The following BMF variants were observed in gnomAD, a reference collection of about 807,000 sequenced individuals.
BMF encodes bcl-2-modifying factor.
In BMF, 10 loss-of-function variants were observed where a neutral mutation model predicts 22.0. The ratio of observed to expected loss-of-function variants is 0.45; its 90% CI spans 0.28 to 0.77. The LOEUF (loss-of-function observed/expected upper bound fraction) is 0.77, where lower values mean the gene tolerates loss of function less well. Among genes scored for constraint, BMF ranks in the 30% least tolerant of loss-of-function variants. The pLI is 0.13. For missense variants in BMF, 206 were observed against 226.8 expected (o/e 0.91, Z 0.59); for synonymous variants, 87 against 88.1 (o/e 0.99, Z 0.07).
At chr15:40,098,039 C>T (rs188626995) in intron 4 of BMF, among the ~76,000 whole-genome samples, 3 of 152,234 alleles carry the variant, frequency 2.0e-5, no homozygotes, top group South Asian at 2.1e-4. Flanking sequence ...GCCCGAGGAA[C>T]GAGCAACGTG....
chr15:40,099,346 T>G (rs2141024576), intron 4 of BMF, among the ~76,000 whole-genome samples: 2 of 152,280 alleles, frequency 1.3e-5, no homozygotes, highest in Admixed American at 1.3e-4. Flanking sequence ...CTCCCCAAAT[T>G]ACAAAGTCAG....
chr15:40,098,765 CA>C (rs915106619), intron 4 of BMF, among the ~76,000 whole-genome samples: 75 of 146,694 alleles, frequency 5.1e-4, no homozygotes, highest in Non-Finnish European at 8.5e-4. Context: ...ACCCACTTTC[CA>C]AAAAAAAAAG....
At chr15:40,102,875 G>A (rs1209208410) in intron 4 of BMF, among the ~76,000 whole-genome samples, 2 of 152,182 alleles carry the variant, frequency 1.3e-5, no homozygotes, top group South Asian at 2.1e-4. Flanking sequence ...ATAATCAAAG[G>A]AGAGAGTAAG....
At chr15:40,105,739 G>A (rs764518176) in intron 3 of BMF, 56 bp downstream of exon 3, 117 of 1,517,008 alleles carry the variant, frequency 7.7e-5, no homozygotes, top group Non-Finnish European at 1.0e-4. Flanking sequence ...GGGAGGGAAA[G>A]TCCCCTCTTT....
intron 4 of BMF, among the ~76,000 whole-genome samples, chr15:40,097,511 T>C (rs541472375): frequency 1.6e-4 from 24 of 152,338 alleles, no homozygotes; most frequent in African/African-American, 4.8e-4. Context: ...CGGAATGTGA[T>C]TGCTGGGCAG....
At chr15:40,099,301 T>A (rs2036427248) in intron 4 of BMF, among the ~76,000 whole-genome samples, 1 of 152,196 alleles carries the variant, frequency 6.6e-6, no homozygotes. Context: ...TAATAAACCA[T>A]GCAAACACCA....
chr15:40,092,673 T>C (rs1407802619), intron 4 of BMF, among the ~76,000 whole-genome samples: 1 of 152,208 alleles, frequency 6.6e-6, no homozygotes, highest in African/African-American at 2.4e-5. Flanking sequence ...CTGGAGGTTA[T>C]CCCAGGTCCT....
rs554684995 is a variant in BMF, at chr15:40,089,272, G to C, written c.*2515C>G. The C allele has an allele frequency of 2.5e-4, 38 of 152,416 alleles. 1 individual carries two copies. Among genetic ancestry groups the C allele is most frequent in the African/African-American group, 8.9e-4 (37 of 41,558 alleles). The allele number at this position is 152,416 out of a possible 1,614,324, so 9.4% of individuals were successfully genotyped here. On this transcript the variant is annotated 3_prime_UTR_variant, in exon 5 of 5. Transcript: ENST00000354670. ...GAGGAATGTTTAGGCCAACTCACCA[G>C]GCAGAGGAGGAAGGGGCCAGTTTAG...
intron 4 of BMF, among the ~76,000 whole-genome samples, chr15:40,095,864 C>A (rs1232425107): frequency 6.6e-6 from 1 of 152,182 alleles, no homozygotes; most frequent in Non-Finnish European, 1.5e-5. Context: ...ATTTTCTTGC[C>A]ACGGACAGGG....
intron 4 of BMF, among the ~76,000 whole-genome samples, chr15:40,094,155 T>C (rs192028409): frequency 6.8e-4 from 104 of 152,332 alleles, no homozygotes; most frequent in Non-Finnish European, 1.2e-3. Context: ...GATTTGGGGC[T>C]GAGGCAATTC....
chr15:40,094,462 C>T (rs980091888), intron 4 of BMF, among the ~76,000 whole-genome samples: 1 of 152,298 alleles, frequency 6.6e-6, no homozygotes, highest in Admixed American at 6.5e-5. Flanking sequence ...GTAAGGAAGG[C>T]TCTATGGTGC....
Position 40,088,464 on chromosome 15 carries a change from A to C in BMF, c.*3323T>G, listed in dbSNP as rs2036173110. ...AAGGCCTGCAGAGCCATGGTGACCA[A>C]AGTCTTCCCGCTTCTGCCACGTCCC... On this transcript the variant is annotated 3_prime_UTR_variant, in exon 5 of 5. Coordinates refer to ENST00000354670, the MANE Select transcript of BMF (RefSeq NM_001003940.2). 6.6e-6 allele frequency: 1 copy of C among 152,308 alleles called. No individual in the cohort carries two copies. Among genetic ancestry groups the C allele is most frequent in the Non-Finnish European group, 1.5e-5 (1 of 68,128 alleles). 9.4% of individuals were successfully genotyped at this position (152,308 alleles called of 1,614,324 possible).
In BMF at chr15:40,091,234, C is replaced by T. The variant is rs1039303981; in HGVS notation, c.*553G>A. On this transcript the variant is annotated 3_prime_UTR_variant, in exon 5 of 5. Coordinates refer to ENST00000354670, the MANE Select transcript of BMF (RefSeq NM_001003940.2). Reference sequence around the variant, plus strand: ...GCAGGTACTGGCTGAGAAGTAAGAACCCAGTCAGATGTGGAGCTGGCCGGC... The same window carrying T: ...GCAGGTACTGGCTGAGAAGTAAGAATCCAGTCAGATGTGGAGCTGGCCGGC... 18 of 152,838 alleles carry T rather than the reference C, an allele frequency of 1.2e-4. No individual in the cohort carries two copies. The highest frequency in any genetic ancestry group is 4.1e-4 in the African/African-American group (17 of 41,436). 9.5% of individuals were successfully genotyped at this position (152,838 alleles called of 1,614,324 possible).
chr15:40,106,196 C>T lies in BMF; in HGVS notation c.-5-105G>A, dbSNP rs2141059364. The T allele has an allele frequency of 7.7e-7, 1 of 1,293,622 alleles. No individual in the cohort carries two copies. The highest frequency in any genetic ancestry group is 1.0e-6 in the Non-Finnish European group (1 of 963,648). 80.1% of individuals were successfully genotyped at this position (1,293,622 alleles called of 1,614,324 possible). A position where few individuals can be genotyped will look rare whatever the true frequency, so the allele number is the denominator to read the frequency against. On this transcript the variant is annotated intron_variant, in intron 2 of 4. Coordinates refer to ENST00000354670, the MANE Select transcript of BMF (RefSeq NM_001003940.2). This position sits in a 1 kb window ranked among gnomAD's most constrained non-coding sequence, Gnocchi z 4.1. ...ACCATACTCCCCCTTCTTATTTGAG[C>T]TGGCCGGACCACATACTGATGACAT...
At chr15:40,098,858 G>T (rs2036417641) in intron 4 of BMF, among the ~76,000 whole-genome samples, 1 of 152,218 alleles carries the variant, frequency 6.6e-6, no homozygotes, top group Non-Finnish European at 1.5e-5. Context: ...GGAAGAGAGA[G>T]CAGTCAGGTG....
chr15:40,104,115 G>C, intron 4 of BMF, 65 bp downstream of exon 4: 1 of 1,588,964 alleles, frequency 6.3e-7, no homozygotes, highest in Non-Finnish European at 8.6e-7. Context: ...CAAGAGGAGA[G>C]AGGCAGGCCC....
At chr15:40,095,728 G>A (rs537927197) in intron 4 of BMF, among the ~76,000 whole-genome samples, 6 of 152,322 alleles carry the variant, frequency 3.9e-5, no homozygotes, top group African/African-American at 1.4e-4. Flanking sequence ...CCAAGGAATG[G>A]AGGGAATGAA....
chr15:40,093,481 C>CGT (rs1471260958), intron 4 of BMF, among the ~76,000 whole-genome samples: 3 of 152,114 alleles, frequency 2.0e-5, no homozygotes, highest in Non-Finnish European at 4.4e-5. Flanking sequence ...GAAACACACC[C>CGT]GGCTTAACAA....
intron 4 of BMF, among the ~76,000 whole-genome samples, 175 bp downstream of exon 4, chr15:40,104,005 C>A (rs1273255450): frequency 1.3e-5 from 2 of 152,168 alleles, no homozygotes; most frequent in African/African-American, 4.8e-5. Context: ...GAGATGAGGG[C>A]AAGATGCTTA....
Sources: allele counts gnomAD v4.1 joint callset (sites outside exome capture counted in the v4.1 genomes callset), GRCh38; gene constraint gnomAD v4.1.1; non-coding constraint Gnocchi (gnomAD v3.1); transcripts MANE v1.5; gene names NCBI Gene and HGNC (gene_info 2026-07-23, HGNC 2026-07-21).